Variants in PTPRK observed in about 807,000 individuals in gnomAD.
The protein encoded by PTPRK is receptor-type tyrosine-protein phosphatase kappa.
PTPRK carries 75 observed loss-of-function variants against 178.0 expected under a neutral mutation model. That is an observed-to-expected ratio of 0.42 (90% CI 0.35 to 0.51). The LOEUF (loss-of-function observed/expected upper bound fraction) is 0.51. Among genes scored for constraint, PTPRK ranks in the 20% least tolerant of loss-of-function variants. The probability of loss-of-function intolerance (pLI) is 0.02; values close to 1 mark genes in which losing one functional copy is unlikely to be tolerated. For missense variants in PTPRK, 1,441 were observed against 1,797.8 expected (o/e 0.80, Z 3.59); for synonymous variants, 637 against 620.6 (o/e 1.03, Z -0.39).
In PTPRK at chr6:128,184,728, A is replaced by G. The variant is rs1015312314; in HGVS notation, c.869-3T>C. Reference sequence around the variant, plus strand: ...AGGAGCAATGGGTCTTGGCGGTTCTAGGAGAGATGAGTGTGCACTTCAATT... The same window carrying G: ...AGGAGCAATGGGTCTTGGCGGTTCTGGGAGAGATGAGTGTGCACTTCAATT... On this transcript the variant is annotated splice_polypyrimidine_tract_variant and splice_region_variant and intron_variant, in intron 6 of 29. Coordinates refer to ENST00000368226, the MANE Select transcript of PTPRK (RefSeq NM_002844.4). 40 of 1,611,856 alleles carry G rather than the reference A, an allele frequency of 2.5e-5. No individual in the cohort carries two copies. Among genetic ancestry groups the G allele is most frequent in the Non-Finnish European group, 3.1e-5 (36 of 1,178,586 alleles).
chr6:128,512,900 T>C (rs1250194928), intron 1 of PTPRK, among the ~76,000 whole-genome samples: 4 of 152,184 alleles, frequency 2.6e-5, no homozygotes, highest in Non-Finnish European at 5.9e-5. Context: ...AAGAGAATTA[T>C]AAAGCAAGAG....
At chr6:128,182,662 A>T (rs1000062402) in intron 7 of PTPRK, among the ~76,000 whole-genome samples, 1 of 152,146 alleles carries the variant, frequency 6.6e-6, no homozygotes, top group African/African-American at 2.4e-5. Flanking sequence ...CTTTATAGTA[A>T]TATTTTTACT....
chr6:128,388,482 C>G (rs570120148), intron 2 of PTPRK, among the ~76,000 whole-genome samples: 1 of 152,320 alleles, frequency 6.6e-6, no homozygotes, highest in Non-Finnish European at 1.5e-5. Context: ...TGTAGTTGTG[C>G]TTCCCATTAC....
At chr6:128,152,907 T>G (rs748732620) in intron 7 of PTPRK, among the ~76,000 whole-genome samples, 39 of 152,140 alleles carry the variant, frequency 2.6e-4, no homozygotes, top group Admixed American at 2.0e-3. Context: ...CATCTAAGTC[T>G]AGAGGCAGTA....
chr6:128,106,606 A>C (rs1375129365), intron 7 of PTPRK, among the ~76,000 whole-genome samples: 2 of 152,206 alleles, frequency 1.3e-5, no homozygotes, highest in Admixed American at 6.5e-5. Context: ...CTAAACACAA[A>C]GCTTTTCCTC....
chr6:128,215,760 T>G (rs538229260), intron 6 of PTPRK, among the ~76,000 whole-genome samples: 2 of 152,276 alleles, frequency 1.3e-5, no homozygotes, highest in Non-Finnish European at 2.9e-5. Context: ...TGGGTCATCT[T>G]TGACAACAGG....
Position 127,998,829 on chromosome 6 carries a change from G to T in PTPRK, c.2570C>A (p.Ser857Tyr). The T allele has an allele frequency of 1.9e-6, 3 of 1,609,964 alleles. No homozygotes were observed. Among genetic ancestry groups the T allele is most frequent in the African/African-American group, 1.3e-5 (1 of 74,878 alleles). Residue 857 changes from serine (S) to tyrosine (Y), a missense_variant, in exon 16 of 30, where the codon TCC becomes TAC. Coordinates refer to ENST00000368226, the MANE Select transcript of PTPRK (RefSeq NM_002844.4). ...ATGCAGCTGTCCTGTCTGGTAAGGGGATTCCGTCCCCTCACAGAGGTAGCG... is the reference window on the plus strand; with the variant it reads ...ATGCAGCTGTCCTGTCTGGTAAGGGTATTCCGTCCCCTCACAGAGGTAGCG... ...VPRYLCEGTESPYQTGQLHPA... is the reference protein window; with the variant it reads ...VPRYLCEGTEYPYQTGQLHPA...
intron 1 of PTPRK, among the ~76,000 whole-genome samples, chr6:128,410,861 G>A (rs1049575188): frequency 6.6e-6 from 1 of 152,140 alleles, no homozygotes; most frequent in African/African-American, 2.4e-5. Context: ...GGCCTTCAGT[G>A]GCAAAACTTC....
chr6:128,435,990 GAA>G lies in PTPRK; in HGVS notation c.101-38304_101-38303del, dbSNP rs530420079. On this transcript the variant is annotated intron_variant, in intron 1 of 29. Transcript: ENST00000368226. Reference sequence around the variant, plus strand: ...GTCAACTGGCCAAAATGAGAAAGAGGAAAAAAAAAATATATATATATATATAT... The same window carrying G: ...GTCAACTGGCCAAAATGAGAAAGAGGAAAAAAAATATATATATATATATAT... Among the ~76,000 whole-genome samples, 636 of 131,402 alleles carry G rather than the reference GAA, an allele frequency of 4.8e-3. 4 individuals carry two copies. The highest frequency in any genetic ancestry group is 0.019 in the African/African-American group (595 of 30,690). The allele number at this position is 131,402 out of a possible 152,430, so 86.2% of individuals were successfully genotyped here. A position where few individuals can be genotyped will look rare whatever the true frequency, so the allele number is the denominator to read the frequency against.
intron 6 of PTPRK, among the ~76,000 whole-genome samples, chr6:128,211,807 G>T (rs565936777): frequency 8.5e-5 from 13 of 152,076 alleles, no homozygotes; most frequent in Non-Finnish European, 1.8e-4. Flanking sequence ...TCTTGAAGAT[G>T]AAGTGGAGGG....
At chr6:128,377,936 T>C (rs974674412) in intron 2 of PTPRK, among the ~76,000 whole-genome samples, 2 of 151,990 alleles carry the variant, frequency 1.3e-5, no homozygotes, top group African/African-American at 4.8e-5. Flanking sequence ...CTTTCTTTCT[T>C]ACTGTTGAAA....
intron 5 of PTPRK, among the ~76,000 whole-genome samples, chr6:128,237,541 A>G (rs969315738): frequency 3.3e-5 from 5 of 152,240 alleles, no homozygotes; most frequent in Non-Finnish European, 5.9e-5. Flanking sequence ...AAAATAACGT[A>G]AAGACCTAGT....
intron 7 of PTPRK, among the ~76,000 whole-genome samples, chr6:128,109,437 GACA>G (rs1263023781): frequency 9.9e-5 from 15 of 151,916 alleles, no homozygotes; most frequent in Non-Finnish European, 2.2e-4. Flanking sequence ...CTTGCTATAT[GACA>G]ACAATTTAAA....
intron 1 of PTPRK, among the ~76,000 whole-genome samples, chr6:128,481,482 C>T (rs1852070987): frequency 6.6e-6 from 1 of 152,144 alleles, no homozygotes; most frequent in Admixed American, 6.6e-5. Flanking sequence ...AATGGAAACT[C>T]ACTCTTTAAG....
intron 7 of PTPRK, among the ~76,000 whole-genome samples, chr6:128,116,391 A>G (rs1791530598): frequency 1.3e-5 from 2 of 150,812 alleles, no homozygotes. Flanking sequence ...GATTATGAAA[A>G]CATCGTGCTA....
chr6:128,355,260 G>A (rs1833796087), intron 2 of PTPRK, among the ~76,000 whole-genome samples: 2 of 151,954 alleles, frequency 1.3e-5, no homozygotes, highest in South Asian at 4.2e-4. Context: ...GAGAATAAAG[G>A]GTAAAGCTGC....
chr6:128,246,309 C>T (rs1408294440), intron 3 of PTPRK, among the ~76,000 whole-genome samples: 2 of 151,794 alleles, frequency 1.3e-5, no homozygotes, highest in African/African-American at 2.4e-5. Flanking sequence ...TGTTTAACTT[C>T]TTGTACTTTA....
At chr6:128,218,806 A>T (rs1420942332) in intron 6 of PTPRK, 116 bp downstream of exon 6, 2 of 942,790 alleles carry the variant, frequency 2.1e-6, no homozygotes, top group Non-Finnish European at 3.1e-6. Context: ...TATATTTTTT[A>T]TAGTGACTTG....
At chr6:128,495,747 T>C (rs1428143285) in intron 1 of PTPRK, among the ~76,000 whole-genome samples, 1 of 152,208 alleles carries the variant, frequency 6.6e-6, no homozygotes, top group African/African-American at 2.4e-5. Flanking sequence ...TAAGTCGTCA[T>C]CGTTAGTTAT....
Sources: gnomAD v4.1 joint callset for allele counts (sites outside exome capture counted in the v4.1 genomes callset) on GRCh38, gnomAD v4.1.1 for gene constraint, MANE v1.5 for transcripts, NCBI Gene and HGNC (gene_info 2026-07-23, HGNC 2026-07-21) for gene names.